Variants in PTPRD observed in about 807,000 individuals in gnomAD.
The protein encoded by PTPRD is receptor-type tyrosine-protein phosphatase delta.
A neutral mutation model predicts 214.5 loss-of-function variants in PTPRD; 34 were observed. The ratio of observed to expected loss-of-function variants is 0.16; its 90% confidence interval spans 0.12 to 0.21. PTPRD has a LOEUF of 0.21. Among genes scored for constraint, PTPRD ranks in the 10% least tolerant of loss-of-function variants. The probability of loss-of-function intolerance (pLI) is 1.00; values close to 1 mark genes in which losing one functional copy is unlikely to be tolerated. For missense variants in PTPRD, 2,545 were observed against 2,398.7 expected, an observed-to-expected ratio of 1.06 and a Z score of -1.27; for synonymous variants, 1,128 against 845.7, an observed-to-expected ratio of 1.33 and a Z score of -5.79.
intron 2 of PTPRD, among the ~76,000 whole-genome samples, chr9:10,464,430 G>C (rs928330632): frequency 5.3e-5 from 8 of 150,396 alleles, no homozygotes; most frequent in Admixed American, 3.3e-4. Context: ...GAGAGAGAGA[G>C]ACAGAGAGGA....
At chr9:9,041,326 G>A (rs2099639102) in intron 10 of PTPRD, among the ~76,000 whole-genome samples, 1 of 152,086 alleles carries the variant, frequency 6.6e-6, no homozygotes, top group African/African-American at 2.4e-5. Context: ...ATTAAGCCTA[G>A]TACCCATTAG....
intron 11 of PTPRD, among the ~76,000 whole-genome samples, chr9:8,976,452 A>G (rs77759063): frequency 0.13 from 20,090 of 152,068 alleles, 1,854 homozygotes; most frequent in Non-Finnish European, 0.2. Context: ...AGTGATAATA[A>G]TTAGAAGTCC....
chr9:9,660,239 G>A (rs552336248), intron 7 of PTPRD, among the ~76,000 whole-genome samples: 2 of 152,036 alleles, frequency 1.3e-5, no homozygotes, highest in African/African-American at 4.8e-5. Context: ...AGGTGACATC[G>A]GAAGCCTTTG....
At chr9:9,604,087 TTTC>T (rs1592772597) in intron 7 of PTPRD, among the ~76,000 whole-genome samples, 1 of 152,198 alleles carries the variant, frequency 6.6e-6, no homozygotes, top group East Asian at 1.9e-4. Context: ...ATTACTAAAA[TTTC>T]TTTTTTTTCT....
At chr9:9,166,226 G>C (rs2099903551) in intron 10 of PTPRD, among the ~76,000 whole-genome samples, 2 of 151,582 alleles carry the variant, frequency 1.3e-5, no homozygotes, top group East Asian at 2.0e-4. Context: ...AGTAGGAATA[G>C]AGGAGAGTTG....
intron 11 of PTPRD, among the ~76,000 whole-genome samples, chr9:8,944,668 T>A (rs987583886): frequency 6.6e-6 from 1 of 152,122 alleles, no homozygotes; most frequent in African/African-American, 2.4e-5. Flanking sequence ...ACATTTTGCA[T>A]GTTCACACTC....
chr9:9,239,634 A>G (rs2099969304), intron 9 of PTPRD, among the ~76,000 whole-genome samples: 1 of 152,124 alleles, frequency 6.6e-6, no homozygotes, highest in African/African-American at 2.4e-5. Context: ...AGCTTATTTT[A>G]GTATGAAGCC....
intron 2 of PTPRD, among the ~76,000 whole-genome samples, chr9:10,537,220 A>T (rs1050379638): frequency 2.0e-5 from 3 of 152,142 alleles, no homozygotes; most frequent in African/African-American, 4.8e-5. Context: ...GAAATGATTT[A>T]AAAAATCTAA....
chr9:8,495,071 A>T (rs918343256), intron 26 of PTPRD, among the ~76,000 whole-genome samples: 1 of 152,140 alleles, frequency 6.6e-6, no homozygotes, highest in East Asian at 1.9e-4. Flanking sequence ...TAAACCTTAA[A>T]TAATTATTTC....
At chr9:9,308,383 T>A (rs1252450179) in intron 9 of PTPRD, among the ~76,000 whole-genome samples, 1 of 152,196 alleles carries the variant, frequency 6.6e-6, no homozygotes, top group African/African-American at 2.4e-5. Context: ...CTACAACATG[T>A]TAAACATATA....
At chr9:10,079,057 G>C (rs913095260) in intron 3 of PTPRD, among the ~76,000 whole-genome samples, 2 of 151,244 alleles carry the variant, frequency 1.3e-5, no homozygotes, top group African/African-American at 4.9e-5. Flanking sequence ...TCAGATCTTT[G>C]TCCTTTACAC....
chr9:8,696,881 G>A (rs1202547727), intron 12 of PTPRD, among the ~76,000 whole-genome samples: 11 of 152,106 alleles, frequency 7.2e-5, no homozygotes, highest in Admixed American at 5.9e-4. Flanking sequence ...CAGAATTGTC[G>A]ACAAACATCA....
At chr9:9,961,141 T>C (rs2094335810) in intron 4 of PTPRD, among the ~76,000 whole-genome samples, 2 of 152,154 alleles carry the variant, frequency 1.3e-5, no homozygotes, top group South Asian at 4.1e-4. Flanking sequence ...ATCACTTGTA[T>C]ATACATATAT....
intron 3 of PTPRD, among the ~76,000 whole-genome samples, chr9:10,285,625 T>C (rs921303056): frequency 2.1e-5 from 3 of 145,732 alleles, no homozygotes; most frequent in African/African-American, 8.0e-5. Context: ...TTTTTTTTTT[T>C]TTTGAAACAG....
chr9:9,218,912 A>G lies in PTPRD; in HGVS notation c.-202-35549T>C, dbSNP rs114186386. Among the ~76,000 whole-genome samples, 1,029 of 152,220 alleles carry G rather than the reference A, an allele frequency of 6.8e-3. 10 individuals are homozygous for G. The highest frequency in any genetic ancestry group is 0.023 in the African/African-American group (955 of 41,546). ...GTCTTGGTATTCCTTAAATATAAGAAGCCAAATAGACCTTTTAACTATGTC... is the reference window on the plus strand; with the variant it reads ...GTCTTGGTATTCCTTAAATATAAGAGGCCAAATAGACCTTTTAACTATGTC... On this transcript the variant is annotated intron_variant, in intron 9 of 45. Transcript: ENST00000381196.
intron 11 of PTPRD, among the ~76,000 whole-genome samples, chr9:8,961,323 A>T (rs557311388): frequency 1.3e-5 from 2 of 152,242 alleles, no homozygotes; most frequent in Admixed American, 6.5e-5. Flanking sequence ...GTTGCAAGTA[A>T]ATCAAGCCAA....
At chr9:8,884,051 A>G (rs2098467018) in intron 11 of PTPRD, among the ~76,000 whole-genome samples, 1 of 152,322 alleles carries the variant, frequency 6.6e-6, no homozygotes, top group East Asian at 1.9e-4. Context: ...TTCCCATTTT[A>G]TCACAAGTAA....
At chr9:10,098,975 A>G (rs1333775872) in intron 3 of PTPRD, among the ~76,000 whole-genome samples, 1 of 151,768 alleles carries the variant, frequency 6.6e-6, no homozygotes, top group Admixed American at 6.6e-5. Context: ...AAAACTGACC[A>G]AAATAGAACA....
At chr9:8,821,059 G>A (rs888674782) in intron 11 of PTPRD, among the ~76,000 whole-genome samples, 1 of 152,082 alleles carries the variant, frequency 6.6e-6, no homozygotes, top group Non-Finnish European at 1.5e-5. Context: ...CTATAGACCA[G>A]CATCAGAAAA....
Sources: allele counts gnomAD v4.1 joint callset (sites outside exome capture counted in the v4.1 genomes callset), GRCh38; gene constraint gnomAD v4.1.1; transcripts MANE v1.5; gene names NCBI Gene and HGNC (gene_info 2026-07-23, HGNC 2026-07-21).